Variants in REC114 observed in about 807,000 individuals in gnomAD.
REC114 encodes the protein REC114 meiotic recombination protein, also known as meiotic recombination protein REC114.
In REC114, 27 loss-of-function variants were observed where a neutral mutation model predicts 31.3. The observed-to-expected ratio is 0.86, with a 90% confidence interval of 0.64 to 1.19. The LOEUF (loss-of-function observed/expected upper bound fraction) is 1.19. REC114 is among the 50% of genes most tolerant of loss of function. The probability of loss-of-function intolerance (pLI) is 0.00; values close to 1 mark genes in which losing one functional copy is unlikely to be tolerated. For missense variants in REC114, 344 were observed against 326.9 expected (o/e 1.05, Z -0.40); for synonymous variants, 134 against 127.7 (o/e 1.05, Z -0.33).
At chr15:73,557,764 C>T (rs1894493059) in intron 5 of REC114, among the ~76,000 whole-genome samples, 1 of 152,140 alleles carries the variant, frequency 6.6e-6, no homozygotes, top group African/African-American at 2.4e-5. Flanking sequence ...ATGGAAGAAC[C>T]ATATACAAAT....
intron 2 of REC114, among the ~76,000 whole-genome samples, chr15:73,510,475 CTA>C (rs1893747599): frequency 6.7e-6 from 1 of 148,892 alleles, no homozygotes; most frequent in African/African-American, 2.5e-5. Flanking sequence ...ACTTCCAACA[CTA>C]TGTTGAATAG....
At chr15:73,491,734 C>CA (rs965183656) in intron 2 of REC114, among the ~76,000 whole-genome samples, 3 of 151,718 alleles carry the variant, frequency 2.0e-5, no homozygotes, top group Non-Finnish European at 4.4e-5. Flanking sequence ...CTTGTCTCTA[C>CA]AAAAAAAATT....
At chr15:73,499,236 A>T (rs1018930250) in intron 2 of REC114, among the ~76,000 whole-genome samples, 3 of 151,978 alleles carry the variant, frequency 2.0e-5, no homozygotes, top group African/African-American at 7.2e-5. Flanking sequence ...CAGAAAGTGC[A>T]ATTACTTTTG....
intron 2 of REC114, among the ~76,000 whole-genome samples, chr15:73,513,774 G>A (rs1893813443): frequency 1.3e-5 from 2 of 151,272 alleles, no homozygotes; most frequent in South Asian, 2.1e-4. Context: ...AGGGGTCAGG[G>A]ACCCACTTGA....
intron 3 of REC114, 94 bp from the exon 4 acceptor site, chr15:73,550,844 C>T (rs1894376890): frequency 8.4e-7 from 1 of 1,187,326 alleles, no homozygotes; most frequent in South Asian, 1.3e-5. Flanking sequence ...ATACCTCTTC[C>T]TCCGCCAAGC....
At chr15:73,558,363 T>C (rs1293611912) in intron 5 of REC114, among the ~76,000 whole-genome samples, 5 of 152,208 alleles carry the variant, frequency 3.3e-5, no homozygotes, top group African/African-American at 1.2e-4. Context: ...CCAAAGTAAG[T>C]GGACCACACA....
rs556650092 is a variant in REC114 at position 73,510,261 on chromosome 15, A to G, written c.250-30224A>G. The stretch of plus-strand genomic sequence containing the variant: ...CTCTGTTTGTCTGTTGTTGGTGTAT[A>G]AGAATGCTTGTGATTTTTGCACACT... On this transcript the variant is annotated intron_variant, in intron 2 of 5. Coordinates refer to ENST00000331090, the MANE Select transcript of REC114 (RefSeq NM_001042367.2). Among the ~76,000 whole-genome samples, 3 of 152,306 alleles carry G rather than the reference A, an allele frequency of 2.0e-5. No individual in the cohort carries two copies. The East Asian group carries it at 5.8e-4, about 29-fold the overall frequency.
At chr15:73,469,820 G>A (rs1171656864) in intron 1 of REC114, among the ~76,000 whole-genome samples, 2 of 151,812 alleles carry the variant, frequency 1.3e-5, no homozygotes, top group Non-Finnish European at 2.9e-5. Context: ...GAGTAGCTGG[G>A]ACTACAGGTG....
chr15:73,465,142 T>C (rs1323601709), intron 1 of REC114, among the ~76,000 whole-genome samples: 1 of 152,176 alleles, frequency 6.6e-6, no homozygotes, highest in Non-Finnish European at 1.5e-5. Context: ...TCTGCCTGCT[T>C]CGGCCTCCCA....
intron 1 of REC114, among the ~76,000 whole-genome samples, chr15:73,449,662 C>A (rs1892817310): frequency 6.6e-6 from 1 of 152,104 alleles, no homozygotes; most frequent in East Asian, 1.9e-4. Flanking sequence ...AAAGATACTC[C>A]TCGAGAAGGG....
intron 2 of REC114, among the ~76,000 whole-genome samples, chr15:73,497,593 T>C (rs1893546998): frequency 6.6e-6 from 1 of 152,238 alleles, no homozygotes; most frequent in Admixed American, 6.5e-5. Context: ...ATTGTTACCC[T>C]GAGTGCCCTC....
At chr15:73,491,008 G>A (rs1404973574) in intron 2 of REC114, among the ~76,000 whole-genome samples, 1 of 152,080 alleles carries the variant, frequency 6.6e-6, no homozygotes, top group African/African-American at 2.4e-5. Flanking sequence ...GCATCATGCT[G>A]AATTAAAGAA....
At chr15:73,482,211 C>A (rs1410396352) in intron 2 of REC114, among the ~76,000 whole-genome samples, 3 of 152,146 alleles carry the variant, frequency 2.0e-5, no homozygotes, top group Non-Finnish European at 2.9e-5. Context: ...CCCTCCAAAT[C>A]TTGTGTTGAA....
At chr15:73,546,557 ATT>A (rs150996688) in intron 3 of REC114, among the ~76,000 whole-genome samples, 4,944 of 152,300 alleles carry the variant, frequency 0.032, 117 homozygotes, top group African/African-American at 0.062. Context: ...TAAATTAAAA[ATT>A]ATGTTATAGA....
At position 73,469,785 on chromosome 15, in the gene REC114, C is replaced by T. The variant is rs1006898352; in HGVS notation, c.160-4047C>T. Among the ~76,000 whole-genome samples the T allele has an allele frequency of 7.3e-5, 11 of 150,548 alleles. No individual in the cohort carries two copies. In the East Asian group the frequency reaches 1.8e-3, roughly 24 times the overall value. On this transcript the variant is annotated intron_variant, in intron 1 of 5. Transcript: ENST00000331090. The stretch of plus-strand genomic sequence containing the variant: ...CTGCAAGCTCCACCTCCTGGGTTCA[C>T]GCCATTCTCCTGCCTCAGCCTCCCG...
At chr15:73,448,881 C>A (rs541670776) in intron 1 of REC114, among the ~76,000 whole-genome samples, 1 of 152,302 alleles carries the variant, frequency 6.6e-6, no homozygotes, top group South Asian at 2.1e-4. Context: ...CAGCAAATTC[C>A]AGCAGACCTG....
chr15:73,513,282 G>A (rs1296915656), intron 2 of REC114, among the ~76,000 whole-genome samples: 5 of 151,920 alleles, frequency 3.3e-5, no homozygotes, highest in Non-Finnish European at 2.9e-5. Flanking sequence ...TTGAGCCTTG[G>A]TTTTCAGCTC....
chr15:73,448,451 T>A (rs1485212819), intron 1 of REC114, among the ~76,000 whole-genome samples: 8 of 151,918 alleles, frequency 5.3e-5, no homozygotes, highest in Non-Finnish European at 8.8e-5. Flanking sequence ...CTCTCTAGAT[T>A]CCTCCTCTCT....
At chr15:73,504,358 A>AC (rs1893645686) in intron 2 of REC114, among the ~76,000 whole-genome samples, 5 of 151,964 alleles carry the variant, frequency 3.3e-5, no homozygotes, top group African/African-American at 1.2e-4. Context: ...TCTGGAATTT[A>AC]TCTTTTTGTA....
Sources: gnomAD v4.1 joint callset for allele counts (sites outside exome capture counted in the v4.1 genomes callset) on GRCh38, gnomAD v4.1.1 for gene constraint, MANE v1.5 for transcripts, NCBI Gene and HGNC (gene_info 2026-07-23, HGNC 2026-07-21) for gene names.